Variants in KIF18A observed in about 807,000 individuals in gnomAD.
KIF18A encodes the protein kinesin family member 18A.
A neutral mutation model predicts 103.3 loss-of-function variants in KIF18A; 67 were observed. The observed-to-expected ratio is 0.65, with a 90% CI of 0.53 to 0.79. KIF18A has a LOEUF of 0.79. KIF18A is among the 30% of genes least tolerant of loss of function. The probability of loss-of-function intolerance (pLI) is 0.00; values close to 1 mark genes in which losing one functional copy is unlikely to be tolerated. For synonymous variants in KIF18A, 367 were observed against 355.5 expected, an observed-to-expected ratio of 1.03 and a Z score of -0.36; for missense variants, 1,032 against 1,062.5, an observed-to-expected ratio of 0.97 and a Z score of 0.40.
At chr11:28,044,910 CAG>C (rs757664975) in intron 13 of KIF18A, among the ~76,000 whole-genome samples, 12 of 151,890 alleles carry the variant, frequency 7.9e-5, no homozygotes, top group South Asian at 4.2e-4. Flanking sequence ...AAAACAAAAA[CAG>C]TGAAATCATA....
chr11:28,041,211 A>C (rs965869384), intron 13 of KIF18A, among the ~76,000 whole-genome samples: 8 of 151,884 alleles, frequency 5.3e-5, no homozygotes, highest in Non-Finnish European at 8.8e-5. Context: ...ATAAACAAAT[A>C]AAATAAATTA....
chr11:28,037,404 A>G (rs1850507596), intron 13 of KIF18A, among the ~76,000 whole-genome samples: 1 of 151,596 alleles, frequency 6.6e-6, no homozygotes, highest in South Asian at 2.1e-4. Flanking sequence ...AAAATATACA[A>G]TATAACAACC....
chr11:28,037,054 T>C (rs1033806757), intron 13 of KIF18A, among the ~76,000 whole-genome samples: 2 of 151,592 alleles, frequency 1.3e-5, no homozygotes, highest in African/African-American at 4.8e-5. Flanking sequence ...AGGTTAACAC[T>C]TGTTCCATTG....
rs771648646 is a variant in KIF18A, at chr11:28,097,783, A to T, written c.165T>A (p.His55Gln). The change falls in exon 2 of 17, where the codon CAT becomes CAA. Residue 55 changes from histidine to glutamine, a missense_variant. By Grantham distance (24) the His-to-Gln change is conservative. Coordinates refer to ENST00000263181, the MANE Select transcript of KIF18A (RefSeq NM_031217.4). ...DPKQEEVSFF[H>Q]GKKTTNQNVI... is the part of the protein sequence containing the mutation. ...CATTTTGATTTGTAGTTTTCTTTCC[A>T]TGGAAAAAACTGACTTCTTCTTGTT... 6.2e-7 allele frequency: 1 copy of T among 1,613,122 alleles called. No individual in the cohort carries two copies. Among genetic ancestry groups the T allele is most frequent in the East Asian group, 2.2e-5 (1 of 44,826 alleles).
chr11:28,085,010 C>T (rs995877200), intron 6 of KIF18A, among the ~76,000 whole-genome samples: 1 of 152,100 alleles, frequency 6.6e-6, no homozygotes, highest in African/African-American at 2.4e-5. Context: ...TGATCATGGA[C>T]AATTATCAAT....
chr11:28,088,172 G>T, intron 6 of KIF18A, among the ~76,000 whole-genome samples: 1 of 151,718 alleles, frequency 6.6e-6, no homozygotes, highest in Non-Finnish European at 1.5e-5. Flanking sequence ...TAAAAATATG[G>T]TTAGTTTGTC....
chr11:28,099,952 C>CT (rs1565092538), intron 1 of KIF18A, among the ~76,000 whole-genome samples: 1 of 152,116 alleles, frequency 6.6e-6, no homozygotes, highest in African/African-American at 2.4e-5. Flanking sequence ...AGAGACAACT[C>CT]TGTCAGCTCA....
chr11:28,060,865 C>T (rs146107432), intron 12 of KIF18A, among the ~76,000 whole-genome samples: 1 of 152,306 alleles, frequency 6.6e-6, no homozygotes, highest in East Asian at 1.9e-4. Flanking sequence ...AAAGAGCTTC[C>T]AAAGCAGAGA....
chr11:28,028,172 G>A, intron 15 of KIF18A, among the ~76,000 whole-genome samples: 1 of 151,894 alleles, frequency 6.6e-6, no homozygotes, highest in South Asian at 2.1e-4. Context: ...CTCTCACCAA[G>A]CGGACTTAAT....
intron 13 of KIF18A, among the ~76,000 whole-genome samples, chr11:28,045,897 A>G (rs1850625961): frequency 6.6e-6 from 1 of 151,802 alleles, no homozygotes; most frequent in Non-Finnish European, 1.5e-5. Flanking sequence ...ATGAACAGAC[A>G]CTTCTCAAAA....
At chr11:28,078,371 G>A (rs1324536425) in intron 9 of KIF18A, among the ~76,000 whole-genome samples, 1 of 151,932 alleles carries the variant, frequency 6.6e-6, no homozygotes, top group Non-Finnish European at 1.5e-5. Flanking sequence ...TTATCTTTAG[G>A]TTATACTTAA....
rs897654742 is a variant in KIF18A at position 28,043,984 on chromosome 11, C to T, written c.1949-7320G>A. 5.3e-5 allele frequency among the ~76,000 whole-genome samples: 8 copies of T among 151,698 alleles called. No homozygotes were observed. In the East Asian group the frequency reaches 1.6e-3, roughly 29 times the overall value. ...CAATAAAAAATCAGCTCTTTCAAAC[C>T]TCTGAAGATCTCAGGAACTGAAGGC... On this transcript the variant is annotated intron_variant, in intron 13 of 16. Transcript: ENST00000263181.
chr11:28,074,381 A>G, intron 10 of KIF18A, among the ~76,000 whole-genome samples: 1 of 152,168 alleles, frequency 6.6e-6, no homozygotes, highest in East Asian at 1.9e-4. Flanking sequence ...CATGAAAGTG[A>G]AAGTACAAAT....
intron 2 of KIF18A, among the ~76,000 whole-genome samples, chr11:28,096,283 A>T (rs2133564690): frequency 6.6e-6 from 1 of 152,020 alleles, no homozygotes; most frequent in Admixed American, 6.5e-5. Flanking sequence ...AACTTCTCAT[A>T]TCATTATTGG....
chr11:28,086,745 G>A (rs1278286151), intron 6 of KIF18A, among the ~76,000 whole-genome samples: 1 of 152,060 alleles, frequency 6.6e-6, no homozygotes, highest in East Asian at 1.9e-4. Context: ...TATTTTAAGT[G>A]ATTTTACATG....
intron 10 of KIF18A, 92 bp downstream of exon 10, chr11:28,076,915 C>T: frequency 1.7e-6 from 1 of 594,276 alleles, no homozygotes; most frequent in Non-Finnish European, 2.4e-6. Flanking sequence ...GCTTGGGCAA[C>T]AGAAGAAGAG....
chr11:28,053,758 G>A (rs1850742224), intron 13 of KIF18A, among the ~76,000 whole-genome samples: 1 of 152,000 alleles, frequency 6.6e-6, no homozygotes, highest in Non-Finnish European at 1.5e-5. Flanking sequence ...GAGCTGGGGT[G>A]GAGGAAAGCA....
rs1022458139 is a variant in KIF18A at position 28,020,643 on chromosome 11, A to G, written c.*557T>C. 5 of 152,218 alleles carry G rather than the reference A, an allele frequency of 3.3e-5. No homozygotes were observed. The highest frequency in any genetic ancestry group is 2.1e-4 in the South Asian group (1 of 4,828). 9.4% of individuals were successfully genotyped at this position (152,218 alleles called of 1,614,324 possible). On this transcript the variant is annotated 3_prime_UTR_variant, in exon 17 of 17. Transcript: ENST00000263181. Reference sequence around the variant, plus strand: ...ACACTTTAAAATCTACATCTTTAATATATCAAGTAGCAAGGGACAATATTT... The same window carrying G: ...ACACTTTAAAATCTACATCTTTAATGTATCAAGTAGCAAGGGACAATATTT...
At position 28,082,888 on chromosome 11, in the gene KIF18A, C is replaced by A; in HGVS notation, c.1230G>T (p.Met410Ile). The change falls in exon 9 of 17, where the codon ATG becomes ATT. Residue 410 changes from methionine (M) to isoleucine (I), a missense_variant. Transcript: ENST00000263181. ...FTNENDQAKL[M>I]ISNPQEKEIE... ...TTTCTTTTTCCTGAGGGTTTGAAAT[C>A]ATTAACTTTGCTTGGTCATTTTCAT... is the stretch of plus-strand genomic sequence containing the variant. The A allele has an allele frequency of 6.2e-7, 1 of 1,603,434 alleles. No homozygotes were observed. Among genetic ancestry groups the A allele is most frequent in the South Asian group, 1.1e-5 (1 of 89,374 alleles).
Sources: allele counts gnomAD v4.1 joint callset (sites outside exome capture counted in the v4.1 genomes callset), GRCh38; gene constraint gnomAD v4.1.1; transcripts MANE v1.5; gene names NCBI Gene and HGNC (gene_info 2026-07-23, HGNC 2026-07-21).